Variants in GRK3 observed in about 807,000 individuals in gnomAD.
The protein encoded by GRK3 is adrenergic, beta, receptor kinase 2.
In GRK3, 54 loss-of-function variants were observed where a neutral mutation model predicts 95.7. The observed-to-expected ratio is 0.56, with a 90% CI of 0.45 to 0.71. The LOEUF (loss-of-function observed/expected upper bound fraction) is 0.71. Ranked by LOEUF, GRK3 falls within the 30% of genes least tolerant of loss-of-function variation. The probability of loss-of-function intolerance (pLI) is 0.00; values close to 1 mark genes in which losing one functional copy is unlikely to be tolerated. For missense variants in GRK3, 649 were observed against 851.2 expected (o/e 0.76, Z 2.96); for synonymous variants, 281 against 290.8 (o/e 0.97, Z 0.34).
intron 2 of GRK3, among the ~76,000 whole-genome samples, chr22:25,621,721 A>G (rs577088136): frequency 2.0e-5 from 3 of 152,340 alleles, no homozygotes; most frequent in African/African-American, 7.2e-5. Context: ...GGAATCTTAG[A>G]CAAGACCCTT....
intron 13 of GRK3, among the ~76,000 whole-genome samples, chr22:25,697,809 T>C (rs1157521684): frequency 1.3e-5 from 2 of 152,248 alleles, no homozygotes; most frequent in African/African-American, 4.8e-5. Context: ...CGATTGAGCC[T>C]GAAATGGAAG....
intron 10 of GRK3, among the ~76,000 whole-genome samples, 185 bp downstream of exon 10, chr22:25,685,433 A>G (rs2085105290): frequency 6.6e-6 from 1 of 152,222 alleles, no homozygotes; most frequent in African/African-American, 2.4e-5. Flanking sequence ...GTTGACTGCA[A>G]CGTCCTTCTG....
intron 18 of GRK3, among the ~76,000 whole-genome samples, chr22:25,716,394 G>T (rs1008117771): frequency 1.3e-5 from 2 of 152,050 alleles, no homozygotes; most frequent in East Asian, 3.8e-4. Flanking sequence ...CTCAAGGGGG[G>T]GTCATGGTGT....
intron 2 of GRK3, among the ~76,000 whole-genome samples, chr22:25,619,502 G>A (rs896630808): frequency 1.3e-5 from 2 of 152,002 alleles, no homozygotes; most frequent in African/African-American, 4.8e-5. Context: ...CGTTGTTTTC[G>A]ATAAAGGGTC....
chr22:25,644,538 G>A, intron 2 of GRK3, 54 bp from the exon 3 acceptor site: 2 of 844,040 alleles, frequency 2.4e-6, no homozygotes, highest in Middle Eastern at 2.3e-4. Flanking sequence ...CACCCTTGTG[G>A]GATAAAATTT....
intron 1 of GRK3, among the ~76,000 whole-genome samples, chr22:25,603,821 C>T (rs2084425588): frequency 6.6e-6 from 1 of 152,166 alleles, no homozygotes; most frequent in South Asian, 2.1e-4. Flanking sequence ...AGTTCTTGCA[C>T]ATATTTTGAA....
intron 2 of GRK3, among the ~76,000 whole-genome samples, chr22:25,634,563 T>G (rs2084686707): frequency 6.6e-6 from 1 of 152,230 alleles, no homozygotes; most frequent in Non-Finnish European, 1.5e-5. Flanking sequence ...TTAAAGCACC[T>G]TTATGTTTCC....
At chr22:25,571,341 C>G (rs1361812700) in intron 1 of GRK3, among the ~76,000 whole-genome samples, 2 of 152,162 alleles carry the variant, frequency 1.3e-5, no homozygotes, top group African/African-American at 4.8e-5. Flanking sequence ...TTTAGTTTCT[C>G]CATCAGTAAA....
intron 1 of GRK3, among the ~76,000 whole-genome samples, chr22:25,567,329 AG>A (rs1931526322): frequency 6.6e-6 from 1 of 152,212 alleles, no homozygotes; most frequent in South Asian, 2.1e-4. Flanking sequence ...CTATTTACAT[AG>A]TAACAGTCAC....
intron 19 of GRK3, among the ~76,000 whole-genome samples, chr22:25,719,382 C>G (rs542467987): frequency 6.6e-6 from 1 of 152,186 alleles, no homozygotes; most frequent in African/African-American, 2.4e-5. Context: ...ACGGCCTCTC[C>G]TAGTTGGGTC....
At chr22:25,685,575 G>A (rs1415211853) in intron 10 of GRK3, among the ~76,000 whole-genome samples, 1 of 152,092 alleles carries the variant, frequency 6.6e-6, no homozygotes, top group African/African-American at 2.4e-5. Context: ...TCAACTTTTA[G>A]GAATGAAATA....
In GRK3 at chr22:25,698,982, A is replaced by C. The variant is rs140403902; in HGVS notation, c.1160+3768A>C. 5.3e-3 allele frequency among the ~76,000 whole-genome samples: 802 copies of C among 152,234 alleles called. 5 individuals are homozygous for C. The highest frequency in any genetic ancestry group is 0.033 in the East Asian group (169 of 5,186). On this transcript the variant is annotated intron_variant, in intron 13 of 20. Transcript: ENST00000324198. ...CATGCTGCAATTTAGATTCAAGATG[A>C]TTGGGAGAATAACGATGTCATTACT...
intron 13 of GRK3, among the ~76,000 whole-genome samples, chr22:25,701,784 G>GTC (rs776818782): frequency 1.3e-5 from 2 of 152,110 alleles, no homozygotes; most frequent in Non-Finnish European, 2.9e-5. Flanking sequence ...AAGGAACATC[G>GTC]TCGGGTGGAA....
intron 20 of GRK3, among the ~76,000 whole-genome samples, chr22:25,721,639 A>G (rs540030543): frequency 4.6e-5 from 7 of 152,332 alleles, no homozygotes; most frequent in Non-Finnish European, 5.9e-5. Context: ...TCTGCTCAGT[A>G]TTTAATAGGG....
Position 25,674,468 on chromosome 22 carries a change from T to C in GRK3, c.587T>C (p.Ile196Thr), listed in dbSNP as rs1468702535. The C allele has an allele frequency of 6.2e-7, 1 of 1,613,890 alleles. No individual in the cohort carries two copies. Among genetic ancestry groups the C allele is most frequent in the Non-Finnish European group, 8.5e-7 (1 of 1,179,906 alleles). Residue 196 changes from isoleucine (I) to threonine (T), a missense_variant, in exon 8 of 21, where the codon ATT (isoleucine) becomes ACT (threonine). Ile to Thr is a moderately conservative substitution (Grantham distance 89). Around this residue, in one of 3 missense-constraint regions of GRK3, gnomAD observed 61 missense variants for 126.0 expected, o/e 0.48. Coordinates refer to ENST00000324198, the MANE Select transcript of GRK3 (RefSeq NM_005160.4). ...ATGAATGAGTTCAGTGTGCATAGGA[T>C]TATTGGACGAGGAGGATTCGGGGAA... ...LTMNEFSVHR[I>T]IGRGGFGEVY...
intron 12 of GRK3, among the ~76,000 whole-genome samples, chr22:25,691,525 G>A (rs1319286113): frequency 6.6e-6 from 1 of 152,236 alleles, no homozygotes; most frequent in East Asian, 1.9e-4. Context: ...CTGGGATATG[G>A]TGATAAAAGC....
chr22:25,578,863 C>G (rs1444849591), intron 1 of GRK3, among the ~76,000 whole-genome samples: 1 of 152,092 alleles, frequency 6.6e-6, no homozygotes, highest in African/African-American at 2.4e-5. Context: ...GAGTCAATTT[C>G]TGCTTGATTT....
In GRK3 at chr22:25,722,188, C is replaced by T. The variant is rs528283760; in HGVS notation, c.1906-101C>T. 4 of 1,384,344 alleles carry T rather than the reference C, an allele frequency of 2.9e-6. No individual in the cohort carries two copies. In the East Asian group the frequency reaches 9.2e-5, roughly 32 times the overall value. The allele number at this position is 1,384,344 out of a possible 1,614,324, so 85.8% of individuals were successfully genotyped here. On this transcript the variant is annotated intron_variant, in intron 20 of 20. Coordinates refer to ENST00000324198, the MANE Select transcript of GRK3 (RefSeq NM_005160.4). Reference sequence around the variant, plus strand: ...GGGGTGGACACGTAGGGTGTGCTTCCTTCAGGGGTTCCAGGGACGCTGGTA... The same window carrying T: ...GGGGTGGACACGTAGGGTGTGCTTCTTTCAGGGGTTCCAGGGACGCTGGTA...
intron 10 of GRK3, among the ~76,000 whole-genome samples, chr22:25,686,896 T>C (rs541333852): frequency 1.2e-4 from 19 of 152,354 alleles, no homozygotes; most frequent in African/African-American, 4.6e-4. Context: ...CTTGGCTCAC[T>C]GCAATCTCCA....
Sources: gnomAD v4.1 joint callset for allele counts (sites outside exome capture counted in the v4.1 genomes callset) on GRCh38, gnomAD v4.1.1 for gene constraint, gnomAD v4.1.1 regional missense constraint, MANE v1.5 for transcripts, NCBI Gene and HGNC (gene_info 2026-07-23, HGNC 2026-07-21) for gene names.